UBE3B: variants seen among roughly 807,000 people sequenced by gnomAD.
The protein encoded by UBE3B is ubiquitin-protein ligase E3B.
A neutral mutation model predicts 132.3 loss-of-function variants in UBE3B; 80 were observed. That is an observed-to-expected ratio of 0.60 (90% CI 0.50 to 0.73). The LOEUF is 0.73. UBE3B is among the 30% of genes least tolerant of loss of function. The pLI is 0.00. For synonymous variants in UBE3B, 487 were observed against 520.4 expected (o/e 0.94, Z 0.87); for missense variants, 1,196 against 1,362.5 (o/e 0.88, Z 1.92).
At chr12:109,511,144 T>C in intron 17 of UBE3B, 60 bp from the exon 18 acceptor site, 2 of 1,515,546 alleles carry the variant, frequency 1.3e-6, no homozygotes, top group Non-Finnish European at 1.8e-6. Context: ...TTTCCCAGCC[T>C]CACACTAGAG....
intron 14 of UBE3B, among the ~76,000 whole-genome samples, chr12:109,503,395 C>T (rs1365546654): frequency 6.6e-6 from 1 of 151,904 alleles, no homozygotes; most frequent in African/African-American, 2.4e-5. Flanking sequence ...CATCTCATTC[C>T]TGTTTTGTGA....
chr12:109,491,139 ACC>A lies in UBE3B; in HGVS notation c.713+13_713+14del, dbSNP rs752798164. On this transcript the variant is annotated intron_variant, in intron 9 of 27. Transcript: ENST00000342494. ...TCTCTAGCGTTACGGTGAGTAAGAA[ACC>A]ATAGCTGAGGTGTTGGCATGTTCTT... The A allele has an allele frequency of 3.1e-6, 5 of 1,613,036 alleles. No homozygotes were observed. The South Asian group carries it at 5.5e-5, about 18-fold the overall frequency.
chr12:109,498,453 C>G (rs1592910568), intron 11 of UBE3B, 100 bp downstream of exon 11: 1 of 1,372,722 alleles, frequency 7.3e-7, no homozygotes, highest in East Asian at 2.4e-5. Context: ...TTTTCTGTAA[C>G]AATTGGAAGT....
chr12:109,483,776 T>C (rs1192192364), intron 3 of UBE3B, 64 bp downstream of exon 3: 5 of 1,578,826 alleles, frequency 3.2e-6, no homozygotes, highest in East Asian at 2.3e-5. Context: ...GATAAATGAG[T>C]TTTTTCTCAT....
chr12:109,499,852 C>T (rs374242166), intron 12 of UBE3B, 42 bp downstream of exon 12: 2 of 1,473,780 alleles, frequency 1.4e-6, no homozygotes, highest in African/African-American at 2.9e-5. Flanking sequence ...TGCCTCTCTC[C>T]CACCATCTTC....
At chr12:109,515,206 A>T (rs1305781924) in intron 18 of UBE3B, among the ~76,000 whole-genome samples, 1 of 149,564 alleles carries the variant, frequency 6.7e-6, no homozygotes, top group Non-Finnish European at 1.5e-5. Context: ...AGCCACCGCG[A>T]CTGGCCCATC....
the UBE3B span, among the ~76,000 whole-genome samples, chr12:109,543,898 G>A: frequency 1.3e-5 from 2 of 152,092 alleles, no homozygotes; most frequent in African/African-American, 4.8e-5. Flanking sequence ...CCATAAGGAG[G>A]GTTGGAGCGG....
In UBE3B at chr12:109,510,408, C is replaced by G. The variant is rs61760194; in HGVS notation, c.1806C>G (p.Tyr602Ter). ...QSVHGWLMVL[Y>*]ERDCRRRFTP... Reference sequence around the variant, plus strand: ...TCCACGGGTGGCTTATGGTGCTGTACGAGCGGGACTGCCGGCGGCGCTTCA... The same window carrying G: ...TCCACGGGTGGCTTATGGTGCTGTAGGAGCGGGACTGCCGGCGGCGCTTCA... The change falls in exon 17 of 28, where the codon TAC (tyrosine) becomes TAG (stop). Residue 602 changes from tyrosine (Y) to a stop codon, truncating the protein, a stop_gained. Transcript: ENST00000342494. LOFTEE classifies it high-confidence loss of function. 3.7e-6 allele frequency: 6 copies of G among 1,613,072 alleles called. No homozygotes were observed. The highest frequency in any genetic ancestry group is 5.1e-6 in the Non-Finnish European group (6 of 1,179,680).
rs1881706055 is a variant in UBE3B, at chr12:109,521,497, T to C, written c.2310T>C (p.Asn770=). 1 of 1,601,880 alleles carries C rather than the reference T, an allele frequency of 6.2e-7. No homozygotes were observed. The highest frequency in any genetic ancestry group is 8.5e-7 in the Non-Finnish European group (1 of 1,171,510). ...CACCCACATCCTACATCCATGAGAA[T>C]TACCTGCAGCTCTTCGAGTTTGTGG... is the stretch of plus-strand genomic sequence containing the variant. ...YPSPTSYIHE[N]YLQLFEFVGK... Residue 770 remains asparagine, a synonymous_variant, in exon 21 of 28, where the codon AAT becomes AAC. Transcript: ENST00000342494. The surrounding 1 kb of genome is among the most constrained non-coding windows in gnomAD (Gnocchi z 4.2).
Position 109,529,947 on chromosome 12 carries a change from A to G in UBE3B, c.2685A>G (p.Gln895=). The G allele has an allele frequency of 6.2e-7, 1 of 1,614,258 alleles. No individual in the cohort carries two copies. Among genetic ancestry groups the G allele is most frequent in the Non-Finnish European group, 8.5e-7 (1 of 1,180,052 alleles). The change falls in exon 25 of 28, where the codon CAA becomes CAG. Residue 895 remains glutamine (Q), a synonymous_variant. Transcript: ENST00000342494. The stretch of plus-strand genomic sequence containing the variant: ...GAATGCACACTCAAATAAAAAACCA[A>G]ACAGCTGCCCTCATTAGCGGATTCC... ...HFRMHTQIKN[Q]TAALISGFRS... is the part of the protein sequence containing the mutation.
intron 18 of UBE3B, among the ~76,000 whole-genome samples, chr12:109,516,493 C>T (rs1047352925): frequency 1.3e-5 from 2 of 152,080 alleles, no homozygotes; most frequent in Admixed American, 6.6e-5. Flanking sequence ...AGGATTTTCT[C>T]GTGGGCCATT....
chr12:109,547,509 G>A, the UBE3B span, among the ~76,000 whole-genome samples: 1 of 152,260 alleles, frequency 6.6e-6, no homozygotes. This position sits in a 1 kb window ranked among gnomAD's most constrained non-coding sequence, Gnocchi z 4.1. Context: ...GGGCACCCAA[G>A]CCGATGCCCG....
At chr12:109,507,199 TG>T (rs2135965865) in intron 14 of UBE3B, among the ~76,000 whole-genome samples, 1 of 152,388 alleles carries the variant, frequency 6.6e-6, no homozygotes, top group East Asian at 1.9e-4. Context: ...AAGTCAGACC[TG>T]AGTTCTATTC....
At chr12:109,530,790 C>T (rs553201718) in intron 26 of UBE3B, 132 bp downstream of exon 26, 3 of 864,646 alleles carry the variant, frequency 3.5e-6, no homozygotes, top group Admixed American at 2.3e-5. Flanking sequence ...TCCTCTCCCA[C>T]AGGCAGGCCT....
In UBE3B at chr12:109,503,164, C is replaced by A. The variant is rs1170373588; in HGVS notation, c.1424C>A (p.Thr475Lys). The change falls in exon 14 of 28, where the codon ACA (threonine) becomes AAA (lysine). Residue 475 changes from threonine to lysine, a missense_variant. Thr to Lys is a moderately conservative substitution (Grantham distance 78). Coordinates refer to ENST00000342494, the MANE Select transcript of UBE3B (RefSeq NM_130466.4). ...TACCAGACCTCGCTGACAACTCTCA[C>A]ACAGATTCGGCTGCAGATACTCACA... is the stretch of plus-strand genomic sequence containing the variant. ...VLYQTSLTTL[T>K]QIRLQILTGL... is the part of the protein sequence containing the mutation. 3 of 1,614,108 alleles carry A rather than the reference C, an allele frequency of 1.9e-6. No homozygotes were observed. The Admixed American group carries it at 5.0e-5, about 27-fold the overall frequency.
chr12:109,491,790 CT>C (rs1394236047), intron 9 of UBE3B: 2 of 152,268 alleles, frequency 1.3e-5, no homozygotes, highest in Non-Finnish European at 2.9e-5. Context: ...GCTGCCTGCT[CT>C]GCCCCCATCT....
intron 4 of UBE3B, among the ~76,000 whole-genome samples, chr12:109,484,234 T>TA (rs148546824): frequency 0.048 from 7,264 of 151,902 alleles, 212 homozygotes; most frequent in Non-Finnish European, 0.067. Flanking sequence ...GGTAAATGAG[T>TA]AAAAAAAACA....
At chr12:109,517,617 C>T (rs1467469877) in intron 19 of UBE3B, among the ~76,000 whole-genome samples, 1 of 152,198 alleles carries the variant, frequency 6.6e-6, no homozygotes, top group Non-Finnish European at 1.5e-5. Context: ...GCACAGCCTA[C>T]CCATACATGC....
At chr12:109,520,765 C>CT (rs906413421) in intron 19 of UBE3B, 16 of 141,982 alleles carry the variant, frequency 1.1e-4, no homozygotes, top group African/African-American at 2.1e-4. Flanking sequence ...TTTCTTTTTT[C>CT]TTTTTTTTAC....
Sources: gnomAD v4.1 joint callset for allele counts (sites outside exome capture counted in the v4.1 genomes callset) on GRCh38, gnomAD v4.1.1 for gene constraint, Gnocchi (gnomAD v3.1) non-coding constraint, MANE v1.5 for transcripts, NCBI Gene and HGNC (gene_info 2026-07-23, HGNC 2026-07-21) for gene names.